ST7: variants seen among roughly 807,000 people sequenced by gnomAD.
ST7 encodes the protein suppressor of tumorigenicity 7 protein.
A neutral mutation model predicts 78.7 loss-of-function variants in ST7; 28 were observed. The ratio of observed to expected loss-of-function variants is 0.36; its 90% CI spans 0.26 to 0.49. The LOEUF is 0.49. ST7 is among the 20% of genes least tolerant of loss of function. The pLI, the probability that ST7 is intolerant of heterozygous loss-of-function variation, is 0.99. For missense variants in ST7, 418 were observed against 696.0 expected (o/e 0.60, Z 4.49); for synonymous variants, 247 against 249.6 (o/e 0.99, Z 0.10).
intron 1 of ST7, among the ~76,000 whole-genome samples, chr7:116,984,619 T>G (rs536951049): frequency 8.5e-5 from 13 of 152,292 alleles, no homozygotes; most frequent in Non-Finnish European, 1.8e-4. Context: ...ATACATTATT[T>G]AATACGTGAG....
At chr7:117,047,481 A>G (rs1223254974) in intron 1 of ST7, among the ~76,000 whole-genome samples, 1 of 152,188 alleles carries the variant, frequency 6.6e-6, no homozygotes, top group Non-Finnish European at 1.5e-5. Flanking sequence ...TTCACATGAT[A>G]TAATTATATT....
intron 2 of ST7, among the ~76,000 whole-genome samples, chr7:117,108,122 T>C (rs1802126507): frequency 6.6e-6 from 1 of 152,190 alleles, no homozygotes; most frequent in African/African-American, 2.4e-5. Flanking sequence ...TCTTTTTTTT[T>C]GTTGCACTTG....
chr7:117,010,542 A>C (rs757056194), intron 1 of ST7, among the ~76,000 whole-genome samples: 18 of 152,166 alleles, frequency 1.2e-4, no homozygotes, highest in Non-Finnish European at 2.2e-4. Context: ...CAGCAAGATG[A>C]GATATCTTAG....
At chr7:117,052,787 A>G (rs1448640258) in intron 1 of ST7, among the ~76,000 whole-genome samples, 4 of 152,206 alleles carry the variant, frequency 2.6e-5, no homozygotes, top group Non-Finnish European at 5.9e-5. Context: ...CCAGCTACTC[A>G]GGAGGCTGGG....
In ST7 at chr7:117,083,920, C is replaced by T. The variant is rs117346708; in HGVS notation, c.152-15842C>T. Among the ~76,000 whole-genome samples the T allele has an allele frequency of 9.2e-3, 1,403 of 152,122 alleles. 9 individuals carry two copies. The highest frequency in any genetic ancestry group is 0.016 in the Admixed American group (244 of 15,272). Reference sequence around the variant, plus strand: ...CTCCCATCTCCTCCTTATTAACAAACGACAATAATCAAAGAAAAAGGAAGC... The same window carrying T: ...CTCCCATCTCCTCCTTATTAACAAATGACAATAATCAAAGAAAAAGGAAGC... On this transcript the variant is annotated intron_variant, in intron 1 of 15. Transcript: ENST00000323984.
At chr7:117,130,401 T>A in intron 4 of ST7, 90 bp from the exon 5 acceptor site, 1 of 853,942 alleles carries the variant, frequency 1.2e-6, no homozygotes, top group Non-Finnish European at 1.8e-6. Flanking sequence ...CAGTTAATGG[T>A]CTATATTTCA....
intron 1 of ST7, among the ~76,000 whole-genome samples, chr7:117,079,041 A>C (rs1799560150): frequency 6.6e-6 from 1 of 152,202 alleles, no homozygotes; most frequent in South Asian, 2.1e-4. Flanking sequence ...TGCAGATTCC[A>C]CATCTGCAGA....
rs201369233 is a variant in ST7 at position 117,190,885 on chromosome 7, T to C, written c.1203T>C (p.Asn401=). 6.2e-7 allele frequency: 1 copy of C among 1,614,020 alleles called. No individual in the cohort carries two copies. Among genetic ancestry groups the C allele is most frequent in the African/African-American group, 1.3e-5 (1 of 74,936 alleles). Reference sequence around the variant, plus strand: ...GGGGGCTGAGCACAGCAGAGATGAATGCAGTAGAGGCCATTCATAGAGCTG... The same window carrying C: ...GGGGGCTGAGCACAGCAGAGATGAACGCAGTAGAGGCCATTCATAGAGCTG... ...SRRGLSTAEM[N]AVEAIHRAVE... is the part of the protein sequence containing the mutation. The change falls in exon 12 of 16, where the codon AAT becomes AAC. Residue 401 remains asparagine (N), a synonymous_variant. Coordinates refer to ENST00000323984, the MANE Select transcript of ST7 (RefSeq NM_001369598.1). The surrounding 1 kb of genome is among the most constrained non-coding windows in gnomAD (Gnocchi z 5.2).
chr7:117,125,449 A>G (rs866201454), intron 3 of ST7, among the ~76,000 whole-genome samples: 1 of 152,132 alleles, frequency 6.6e-6, no homozygotes, highest in Non-Finnish European at 1.5e-5. Context: ...AGATAGTAAC[A>G]TATTTGTTGA....
intron 13 of ST7, among the ~76,000 whole-genome samples, chr7:117,210,634 A>G (rs1268876294): frequency 2.6e-5 from 4 of 152,200 alleles, no homozygotes; most frequent in African/African-American, 9.7e-5. Context: ...GGAGAGGTCC[A>G]TGGGGTGGAG....
chr7:117,115,283 T>A (rs2116911497), intron 2 of ST7, among the ~76,000 whole-genome samples: 1 of 152,222 alleles, frequency 6.6e-6, no homozygotes, highest in Middle Eastern at 3.4e-3. Flanking sequence ...CAAAATAGAA[T>A]GTCTCCCCCT....
At position 117,083,666 on chromosome 7, in the gene ST7, C is replaced by T. The variant is rs142208169; in HGVS notation, c.152-16096C>T. Among the ~76,000 whole-genome samples the T allele has an allele frequency of 8.9e-4, 135 of 152,174 alleles. 1 individual carries two copies. The highest frequency in any genetic ancestry group is 3.4e-3 in the Middle Eastern group (1 of 292). Reference sequence around the variant, plus strand: ...GCTATTATATATAAAATTATTAGCACACAATATAGAGTTATGATATATATT... The same window carrying T: ...GCTATTATATATAAAATTATTAGCATACAATATAGAGTTATGATATATATT... On this transcript the variant is annotated intron_variant, in intron 1 of 15. Transcript: ENST00000323984.
intron 9 of ST7, among the ~76,000 whole-genome samples, chr7:117,160,686 CTCTTT>C (rs1807075033): frequency 6.8e-6 from 1 of 146,804 alleles, no homozygotes; most frequent in Non-Finnish European, 1.5e-5. Context: ...TGTATTTATT[CTCTTT>C]TATTTTGAAA....
chr7:117,004,689 TAAAATA>T (rs1048849333), intron 1 of ST7, among the ~76,000 whole-genome samples: 1 of 152,020 alleles, frequency 6.6e-6, no homozygotes, highest in African/African-American at 2.4e-5. Context: ...CATACATACA[TAAAATA>T]AAAATAAAAA....
At chr7:117,144,613 A>T (rs1367416204) in intron 9 of ST7, among the ~76,000 whole-genome samples, 2 of 149,960 alleles carry the variant, frequency 1.3e-5, no homozygotes, top group Non-Finnish European at 3.0e-5. Flanking sequence ...AGCCTAGGCA[A>T]CAGAGTAAGA....
At chr7:116,964,409 T>C (rs1792996610) in intron 1 of ST7, among the ~76,000 whole-genome samples, 1 of 152,188 alleles carries the variant, frequency 6.6e-6, no homozygotes, top group African/African-American at 2.4e-5. Context: ...GCTCTTGGGG[T>C]GTTTTGCAAT....
At chr7:117,078,655 TCTA>T (rs1232410062) in intron 1 of ST7, among the ~76,000 whole-genome samples, 3 of 152,224 alleles carry the variant, frequency 2.0e-5, no homozygotes, top group African/African-American at 7.2e-5. Flanking sequence ...CAGGGTCATT[TCTA>T]CTATTATAAA....
chr7:116,960,490 A>G (rs118046544), intron 1 of ST7, among the ~76,000 whole-genome samples: 1 of 152,114 alleles, frequency 6.6e-6, no homozygotes, highest in East Asian at 1.9e-4. Context: ...CAGACACATA[A>G]AATTGTGCTG....
chr7:117,143,120 T>C (rs1007659968), intron 9 of ST7, among the ~76,000 whole-genome samples: 1 of 152,106 alleles, frequency 6.6e-6, no homozygotes, highest in African/African-American at 2.4e-5. Flanking sequence ...GAGAATGTGA[T>C]GTGGGTTGGT....
Sources: allele counts gnomAD v4.1 joint callset (sites outside exome capture counted in the v4.1 genomes callset), GRCh38; gene constraint gnomAD v4.1.1; non-coding constraint Gnocchi (gnomAD v3.1); transcripts MANE v1.5; gene names NCBI Gene and HGNC (gene_info 2026-07-23, HGNC 2026-07-21).